The following PDE4D variants were observed in gnomAD, a reference collection of about 807,000 sequenced individuals.
PDE4D encodes the protein phosphodiesterase 4D, also known as 3',5'-cyclic-AMP phosphodiesterase 4D.
Under a neutral mutation model 87.4 loss-of-function variants are expected in PDE4D, and 24 were observed. The observed-to-expected ratio is 0.27, with a 90% CI of 0.20 to 0.39. The LOEUF (loss-of-function observed/expected upper bound fraction) is 0.39. Among genes scored for constraint, PDE4D ranks in the 10% least tolerant of loss-of-function variants. The probability of loss-of-function intolerance (pLI) is 1.00; values close to 1 mark genes in which losing one functional copy is unlikely to be tolerated. For synonymous variants in PDE4D, 384 were observed against 383.2 expected (o/e 1.00, Z -0.02); for missense variants, 714 against 1,041.0 (o/e 0.69, Z 4.32).
chr5:60,382,837 A>G (rs532212270), intron 1 of PDE4D, among the ~76,000 whole-genome samples: 2 of 152,350 alleles, frequency 1.3e-5, no homozygotes, highest in African/African-American at 4.8e-5. Flanking sequence ...AGTGAGCGCT[A>G]GGGAAGTCAG....
intron 1 of PDE4D, among the ~76,000 whole-genome samples, chr5:59,700,911 A>G (rs2150450095): frequency 6.6e-6 from 1 of 152,294 alleles, no homozygotes; most frequent in South Asian, 2.1e-4. Context: ...TTACATTCCC[A>G]GCCTTCAATC....
At chr5:60,223,877 T>C (rs192723754) in intron 1 of PDE4D, among the ~76,000 whole-genome samples, 2 of 152,274 alleles carry the variant, frequency 1.3e-5, no homozygotes, top group East Asian at 3.9e-4. Flanking sequence ...TTCAAGATGA[T>C]AGTCTTCAGA....
intron 2 of PDE4D, among the ~76,000 whole-genome samples, chr5:60,010,911 A>T (rs1764962865): frequency 6.6e-6 from 1 of 152,196 alleles, no homozygotes; most frequent in Non-Finnish European, 1.5e-5. Context: ...ACTTACATCA[A>T]CAACAGTAAA....
chr5:59,729,487 A>G (rs1172770829), intron 1 of PDE4D, among the ~76,000 whole-genome samples: 1 of 152,128 alleles, frequency 6.6e-6, no homozygotes, highest in African/African-American at 2.4e-5. Context: ...ATATTTTCAA[A>G]AATGAGCTCA....
intron 1 of PDE4D, among the ~76,000 whole-genome samples, chr5:59,236,292 C>T (rs141657510): frequency 6.6e-5 from 10 of 152,302 alleles, no homozygotes; most frequent in African/African-American, 2.4e-4. Context: ...TCTGACCCCG[C>T]TACTACCTCG....
chr5:60,468,220 C>G lies in PDE4D; in HGVS notation c.-90+19722G>C, dbSNP rs576400658. The stretch of plus-strand genomic sequence containing the variant: ...ATGGTATGATTTCTGCTTACTGCAG[C>G]CTCTGCCTCCTGGGCTCAAGAAATT... On this transcript the variant is annotated intron_variant, in intron 1 of 16. Coordinates refer to the PDE4D transcript ENST00000502484. 3.1e-4 allele frequency among the ~76,000 whole-genome samples: 46 copies of G among 148,148 alleles called. No individual in the cohort carries two copies. In the South Asian group the frequency reaches 9.8e-3, roughly 32 times the overall value.
At position 59,158,696 on chromosome 5, in the gene PDE4D, A is replaced by G. The variant is rs889109263; in HGVS notation, c.808+21899T>C. On this transcript the variant is annotated intron_variant, in intron 5 of 14. Coordinates refer to ENST00000340635, the MANE Select transcript of PDE4D (RefSeq NM_001104631.2). ...GGAAAAAGTTAGATGATTAGGTACT[A>G]TTTAATCCAATATCATCATTTTACA... Among the ~76,000 whole-genome samples, 32 of 152,338 alleles carry G rather than the reference A, an allele frequency of 2.1e-4. 1 individual carries two copies. The highest frequency in any genetic ancestry group is 7.2e-4 in the African/African-American group (30 of 41,582).
chr5:59,952,335 T>C (rs984668864), intron 3 of PDE4D, among the ~76,000 whole-genome samples: 1 of 152,142 alleles, frequency 6.6e-6, no homozygotes, highest in Non-Finnish European at 1.5e-5. Flanking sequence ...GCAGCCCCTT[T>C]ATATCCACAG....
chr5:60,479,424 T>C (rs889964613), intron 1 of PDE4D, among the ~76,000 whole-genome samples: 3 of 152,190 alleles, frequency 2.0e-5, no homozygotes, highest in Non-Finnish European at 4.4e-5. Context: ...GGGCTGTTTG[T>C]TCTTTATCCA....
intron 1 of PDE4D, among the ~76,000 whole-genome samples, chr5:59,559,799 T>C (rs1561206120): frequency 6.6e-6 from 1 of 152,230 alleles, no homozygotes; most frequent in Non-Finnish European, 1.5e-5. Context: ...GTATTTGTTG[T>C]TGTCTGGAAC....
At chr5:59,286,185 G>C (rs1766917065) in intron 1 of PDE4D, among the ~76,000 whole-genome samples, 1 of 152,180 alleles carries the variant, frequency 6.6e-6, no homozygotes, top group Non-Finnish European at 1.5e-5. Context: ...CTCCAGAAGA[G>C]AAATCTGAAG....
chr5:59,681,533 G>A (rs1749003168), intron 1 of PDE4D, among the ~76,000 whole-genome samples: 1 of 152,128 alleles, frequency 6.6e-6, no homozygotes, highest in Admixed American at 6.5e-5. Context: ...TTTAAGAGAT[G>A]ATTAGATCAT....
chr5:59,336,596 T>C (rs1777694788), intron 1 of PDE4D, among the ~76,000 whole-genome samples: 2 of 152,194 alleles, frequency 1.3e-5, no homozygotes, highest in African/African-American at 4.8e-5. Flanking sequence ...AGCAAACTGC[T>C]TACTCACATG....
intron 1 of PDE4D, among the ~76,000 whole-genome samples, chr5:59,580,238 A>C (rs1247562041): frequency 6.6e-6 from 1 of 152,188 alleles, no homozygotes; most frequent in African/African-American, 2.4e-5. Flanking sequence ...CTAGCAATAG[A>C]TATATGAACT....
intron 1 of PDE4D, among the ~76,000 whole-genome samples, chr5:59,478,570 T>C (rs1279719685): frequency 6.6e-6 from 1 of 152,104 alleles, no homozygotes; most frequent in East Asian, 1.9e-4. Context: ...TGTCAATAAT[T>C]TAAATATCTT....
At chr5:60,264,719 C>T (rs946059558) in intron 1 of PDE4D, among the ~76,000 whole-genome samples, 20 of 152,204 alleles carry the variant, frequency 1.3e-4, no homozygotes, top group Admixed American at 1.3e-3. Context: ...CTGTTATTCT[C>T]TTTGGCTTGC....
At chr5:59,358,283 C>T (rs921502156) in intron 1 of PDE4D, among the ~76,000 whole-genome samples, 5 of 152,118 alleles carry the variant, frequency 3.3e-5, no homozygotes, top group African/African-American at 1.2e-4. Flanking sequence ...TGAGAACTGC[C>T]CTGAACAGCA....
At position 59,193,140 on chromosome 5, in the gene PDE4D, T is replaced by C. The variant is rs180904029; in HGVS notation, c.684+360A>G. Among the ~76,000 whole-genome samples, 168 of 152,350 alleles carry C rather than the reference T, an allele frequency of 1.1e-3. 1 individual carries two copies. The highest frequency in any genetic ancestry group is 2.7e-3 in the South Asian group (13 of 4,828). ...GAGATAAATAAGGTATTGGGTTGAA[T>C]TGGAATATTGAATTTCAAGCACTGA... On this transcript the variant is annotated intron_variant, in intron 3 of 14. Transcript: ENST00000340635.
chr5:59,239,026 C>A (rs1254981164), intron 1 of PDE4D, among the ~76,000 whole-genome samples: 1 of 152,142 alleles, frequency 6.6e-6, no homozygotes, highest in Admixed American at 6.6e-5. Flanking sequence ...AAAATAAATA[C>A]TGCTTAAGCA....
Sources: allele counts gnomAD v4.1 joint callset (sites outside exome capture counted in the v4.1 genomes callset), GRCh38; gene constraint gnomAD v4.1.1; transcripts MANE v1.5; gene names NCBI Gene and HGNC (gene_info 2026-07-23, HGNC 2026-07-21).